The following IQCK variants were observed in gnomAD, a reference collection of about 807,000 sequenced individuals.
IQCK encodes IQ domain-containing protein K.
A neutral mutation model predicts 28.1 loss-of-function variants in IQCK; 29 were observed. The observed-to-expected ratio is 1.03, with a 90% CI of 0.77 to 1.41. IQCK has a LOEUF of 1.41. IQCK is among the 40% of genes most tolerant of loss of function. The pLI is 0.00. For synonymous variants in IQCK, 113 were observed against 115.1 expected, an observed-to-expected ratio of 0.98 and a Z score of 0.12; for missense variants, 359 against 314.7, an observed-to-expected ratio of 1.14 and a Z score of -1.07.
At chr16:19,833,381 A>G (rs1000353317) in intron 9 of IQCK, among the ~76,000 whole-genome samples, 1 of 152,216 alleles carries the variant, frequency 6.6e-6, no homozygotes, top group Non-Finnish European at 1.5e-5. Flanking sequence ...TACATTATGC[A>G]ATGTGAATCA....
intron 7 of IQCK, among the ~76,000 whole-genome samples, chr16:19,805,507 C>CT (rs2055821957): frequency 6.6e-6 from 1 of 152,142 alleles, no homozygotes; most frequent in Non-Finnish European, 1.5e-5. Context: ...GAGACAAAGT[C>CT]CCTGCCCTCA....
intron 6 of IQCK, among the ~76,000 whole-genome samples, chr16:19,765,401 G>A (rs1404479398): frequency 6.6e-6 from 1 of 151,380 alleles, no homozygotes; most frequent in Non-Finnish European, 1.5e-5. Context: ...AGCTGGGCAC[G>A]GTGGCACGTG....
chr16:19,733,682 C>G lies in IQCK; in HGVS notation c.247-16C>G. The G allele has an allele frequency of 6.2e-7, 1 of 1,613,428 alleles. No individual in the cohort carries two copies. Among genetic ancestry groups the G allele is most frequent in the African/African-American group, 1.3e-5 (1 of 75,018 alleles). On this transcript the variant is annotated splice_polypyrimidine_tract_variant and intron_variant, in intron 2 of 7. Transcript: ENST00000564186. ...CTGTTTAAATGAATTGCCTCCCCTC[C>G]CCTGTCTGCCTCCAGGTTGCGCCAG...
At chr16:19,733,593 CT>C in intron 2 of IQCK, 104 bp from the exon 3 acceptor site, 1 of 1,363,468 alleles carries the variant, frequency 7.3e-7, no homozygotes, top group Non-Finnish European at 1.0e-6. Context: ...CCCCTTGAAC[CT>C]TAAAGTCTGA....
At chr16:19,842,708 A>G (rs951469466) in intron 9 of IQCK, among the ~76,000 whole-genome samples, 1 of 152,364 alleles carries the variant, frequency 6.6e-6, no homozygotes, top group Non-Finnish European at 1.5e-5. Context: ...ACTCATTTAT[A>G]GCAACGTCTT....
intron 4 of IQCK, among the ~76,000 whole-genome samples, chr16:19,757,475 C>A (rs8063109): frequency 0.053 from 8,008 of 152,210 alleles, 674 homozygotes; most frequent in African/African-American, 0.18. Flanking sequence ...CAGTTGGAGA[C>A]CAGCCTGGCC....
At chr16:19,735,618 G>A (rs144519631) in intron 4 of IQCK, 168 bp downstream of exon 4, 3 of 619,076 alleles carry the variant, frequency 4.8e-6, no homozygotes, top group Admixed American at 2.7e-5. Flanking sequence ...CCATCTAGTT[G>A]TGCACATACA....
exon 1 of IQCK, chr16:19,718,301 G>T (rs1264092272): frequency 6.2e-7 from 1 of 1,601,270 alleles, no homozygotes. Context: ...CGTGGAAACC[G>T]CGGCCATGGC....
At chr16:19,734,098 G>A in intron 3 of IQCK, 1 of 308,724 alleles carries the variant, frequency 3.2e-6, no homozygotes, top group Non-Finnish European at 6.0e-6. Flanking sequence ...CATGTAGCCG[G>A]CTGTGATGGC....
intron 7 of IQCK, among the ~76,000 whole-genome samples, chr16:19,805,005 T>A (rs180786426): frequency 1.6e-4 from 25 of 152,284 alleles, no homozygotes; most frequent in Admixed American, 8.5e-4. Context: ...TCTTCCTCCT[T>A]TCCAGAGAGG....
In IQCK at chr16:19,772,449, TA is replaced by T. The variant is rs1298839731; in HGVS notation, c.605+8343del. Reference sequence around the variant, plus strand: ...TTGAACACTTAATAGCTGATGAAATTAAAAAATTATTATTTAAGATATGATG... The same window carrying T: ...TTGAACACTTAATAGCTGATGAAATTAAAAATTATTATTTAAGATATGATG... On this transcript the variant is annotated intron_variant, in intron 6 of 7. Transcript: ENST00000564186. 2.0e-5 allele frequency among the ~76,000 whole-genome samples: 3 copies of T among 152,278 alleles called. No homozygotes were observed. In the East Asian group the frequency reaches 5.8e-4, roughly 29 times the overall value.
intron 6 of IQCK, among the ~76,000 whole-genome samples, chr16:19,783,243 C>A (rs1465962049): frequency 4.6e-5 from 7 of 152,098 alleles, no homozygotes. Flanking sequence ...AGGTGATCCA[C>A]CCACCTCGGC....
At chr16:19,848,333 G>A (rs1185071991) in intron 9 of IQCK, among the ~76,000 whole-genome samples, 2 of 152,150 alleles carry the variant, frequency 1.3e-5, no homozygotes, top group African/African-American at 4.8e-5. Context: ...ATATCTGATA[G>A]GTCAACTTGC....
intron 4 of IQCK, among the ~76,000 whole-genome samples, chr16:19,736,997 A>G (rs1398329106): frequency 1.3e-5 from 2 of 151,508 alleles, no homozygotes; most frequent in Admixed American, 6.6e-5. Context: ...AAAAAAAAAA[A>G]AAAAGAAAAA....
At chr16:19,737,031 G>A (rs1040189746) in intron 4 of IQCK, among the ~76,000 whole-genome samples, 3 of 151,592 alleles carry the variant, frequency 2.0e-5, no homozygotes, top group African/African-American at 7.3e-5. Flanking sequence ...GCATGGTGGT[G>A]CATACCTGTA....
intron 7 of IQCK, among the ~76,000 whole-genome samples, chr16:19,804,686 C>T (rs993170823): frequency 2.0e-5 from 3 of 152,232 alleles, no homozygotes; most frequent in Middle Eastern, 3.4e-3. Flanking sequence ...CCCTCCGCCT[C>T]CCAAAGTGTT....
At chr16:19,845,916 G>C (rs2056411030) in intron 9 of IQCK, among the ~76,000 whole-genome samples, 1 of 151,736 alleles carries the variant, frequency 6.6e-6, no homozygotes, top group Non-Finnish European at 1.5e-5. Flanking sequence ...CTCTACCAAG[G>C]ACACAAAAAA....
intron 4 of IQCK, among the ~76,000 whole-genome samples, chr16:19,739,017 C>A (rs1416280390): frequency 6.6e-6 from 1 of 152,198 alleles, no homozygotes; most frequent in African/African-American, 2.4e-5. Context: ...CCTCTGCAGA[C>A]CCCTTTTGGA....
intron 6 of IQCK, among the ~76,000 whole-genome samples, chr16:19,778,082 T>C (rs2055420329): frequency 6.6e-6 from 1 of 152,124 alleles, no homozygotes; most frequent in African/African-American, 2.4e-5. Context: ...TCAGAGAGCC[T>C]GTGCGAAGCA....
Sources: allele counts gnomAD v4.1 joint callset (sites outside exome capture counted in the v4.1 genomes callset), GRCh38; gene constraint gnomAD v4.1.1; transcripts MANE v1.5; gene names NCBI Gene and HGNC (gene_info 2026-07-23, HGNC 2026-07-21).